Variants in SNX33 observed in about 807,000 individuals in gnomAD.
SNX33 encodes sorting nexin 33, also known as sorting nexin-33.
A neutral mutation model predicts 38.8 loss-of-function variants in SNX33; 19 were observed. The observed-to-expected ratio is 0.49, with a 90% CI of 0.34 to 0.72. The LOEUF is 0.72. Among genes scored for constraint, SNX33 ranks in the 30% least tolerant of loss-of-function variants. The pLI is 0.01. For synonymous variants in SNX33, 246 were observed against 289.7 expected, an observed-to-expected ratio of 0.85 and a Z score of 1.53; for missense variants, 641 against 776.4, an observed-to-expected ratio of 0.83 and a Z score of 2.07.
In SNX33 at chr15:75,648,068, G is replaced by A. The variant is rs1312263050; in HGVS notation, c.-1035G>A. ...AGACGGCTGGCCGCGCCATCTGCTCGCCGGAGCTCACTCTCCAAACTCCAA... is the reference window on the plus strand; with the variant it reads ...AGACGGCTGGCCGCGCCATCTGCTCACCGGAGCTCACTCTCCAAACTCCAA... On this transcript the variant is annotated 5_prime_UTR_variant, in exon 1 of 2. Coordinates refer to ENST00000308527, the MANE Select transcript of SNX33 (RefSeq NM_153271.2). This position sits in a 1 kb window ranked among gnomAD's most constrained non-coding sequence, Gnocchi z 4.4. 8 of 985,342 alleles carry A rather than the reference G, an allele frequency of 8.1e-6. No homozygotes were observed. In the African/African-American group the frequency reaches 1.2e-4, roughly 15 times the overall value. 61.0% of individuals were successfully genotyped at this position (985,342 alleles called of 1,614,324 possible). A position where few individuals can be genotyped will look rare whatever the true frequency, so the allele number is the denominator to read the frequency against.
chr15:75,656,819 C>A, intron 1 of SNX33, 143 bp from the exon 2 acceptor site: 1 of 1,301,218 alleles, frequency 7.7e-7, no homozygotes, highest in Non-Finnish European at 1.0e-6. Context: ...CTGGCAGAGA[C>A]ACCCAGGTGG....
At chr15:75,654,492 T>C (rs1334981010) in intron 1 of SNX33, among the ~76,000 whole-genome samples, 1 of 152,178 alleles carries the variant, frequency 6.6e-6, no homozygotes, top group Non-Finnish European at 1.5e-5. Flanking sequence ...TGGATTGAGG[T>C]GGGAGCTTAG....
Position 75,657,332 on chromosome 15 carries a change from G to A in SNX33, c.*117G>A, listed in dbSNP as rs1210103368. The A allele has an allele frequency of 2.6e-6, 4 of 1,521,412 alleles. No homozygotes were observed. Among genetic ancestry groups the A allele is most frequent in the African/African-American group, 2.7e-5 (2 of 73,294 alleles). The allele number at this position is 1,521,412 out of a possible 1,614,324, so 94.2% of individuals were successfully genotyped here. ...GAGGGGTCAGCGGTGGGGGAGATAA[G>A]CGGCCTGTCCTGCCTCCTGGGAGAA... On this transcript the variant is annotated 3_prime_UTR_variant, in exon 2 of 2. Coordinates refer to ENST00000308527, the MANE Select transcript of SNX33 (RefSeq NM_153271.2). The surrounding 1 kb of genome is among the most constrained non-coding windows in gnomAD (Gnocchi z 5.5).
In SNX33 at chr15:75,650,610, C is replaced by T; in HGVS notation, c.1471+37C>T. ...TGCAGGCAGGAAACTCGTCCTGAGTCTGGCTCTCTGCTGGGCCCTGGGGAG... is the reference window on the plus strand; with the variant it reads ...TGCAGGCAGGAAACTCGTCCTGAGTTTGGCTCTCTGCTGGGCCCTGGGGAG... On this transcript the variant is annotated intron_variant, in intron 1 of 1. Coordinates refer to ENST00000308527, the MANE Select transcript of SNX33 (RefSeq NM_153271.2). The surrounding 1 kb of genome is among the most constrained non-coding windows in gnomAD (Gnocchi z 6.1). 1 of 1,548,408 alleles carries T rather than the reference C, an allele frequency of 6.5e-7. No individual in the cohort carries two copies. The highest frequency in any genetic ancestry group is 8.7e-7 in the Non-Finnish European group (1 of 1,146,840).
rs1311443713 is a variant in SNX33, at chr15:75,662,208, C to G, written c.*4993C>G. On this transcript the variant is annotated 3_prime_UTR_variant, in exon 2 of 2. Transcript: ENST00000308527. ...AGGCTGAATCCCACACTCTATCATACATATTAATATTTACCTGCATTCCAC... is the reference window on the plus strand; with the variant it reads ...AGGCTGAATCCCACACTCTATCATAGATATTAATATTTACCTGCATTCCAC... 6.6e-6 allele frequency: 1 copy of G among 152,156 alleles called. No homozygotes were observed. Among genetic ancestry groups the G allele is most frequent in the Non-Finnish European group, 1.5e-5 (1 of 68,042 alleles). The allele number at this position is 152,156 out of a possible 1,614,324, so 9.4% of individuals were successfully genotyped here.
rs1893572791 is a variant in SNX33, at chr15:75,650,985, G to C, written c.1471+412G>C. ...CCCGGTCTCTGTCCTCATGGAGCTT[G>C]ATATTTACCTTCTTGTCAGTTCATT... On this transcript the variant is annotated intron_variant, in intron 1 of 1. Transcript: ENST00000308527. The surrounding 1 kb of genome is among the most constrained non-coding windows in gnomAD (Gnocchi z 6.1). Among the ~76,000 whole-genome samples, 1 of 152,240 alleles carries C rather than the reference G, an allele frequency of 6.6e-6. No individual in the cohort carries two copies. The highest frequency in any genetic ancestry group is 1.5e-5 in the Non-Finnish European group (1 of 68,046).
rs372590049 is a variant in SNX33 at position 75,650,859 on chromosome 15, AAAACAAACAAAC to A, written c.1471+306_1471+317del. On this transcript the variant is annotated intron_variant, in intron 1 of 1. Transcript: ENST00000308527. The surrounding 1 kb of genome is among the most constrained non-coding windows in gnomAD (Gnocchi z 6.1). ...GGTGACAGAGTGAGACCCTGTCTCT[AAAACAAACAAAC>A]AAACAAACAAACAAACAAATGTGTT... 3.3e-5 allele frequency among the ~76,000 whole-genome samples: 5 copies of A among 152,052 alleles called. No homozygotes were observed. The highest frequency in any genetic ancestry group is 1.9e-4 in the East Asian group (1 of 5,194).
Position 75,650,494 on chromosome 15 carries a change from C to T in SNX33, c.1392C>T (p.Asp464=), listed in dbSNP as rs540188755. 2 of 1,614,052 alleles carry T rather than the reference C, an allele frequency of 1.2e-6. No individual in the cohort carries two copies. Among genetic ancestry groups the T allele is most frequent in the Admixed American group, 1.7e-5 (1 of 60,006 alleles). The change falls in exon 1 of 2, where the codon GAC becomes GAT. Residue 464 remains aspartate, a synonymous_variant. Coordinates refer to ENST00000308527, the MANE Select transcript of SNX33 (RefSeq NM_153271.2). The surrounding 1 kb of genome is among the most constrained non-coding windows in gnomAD (Gnocchi z 6.1). Reference sequence around the variant, plus strand: ...TGTTTGCTGAGCAGCCCAAGAATGACCTCTTCCAGATGCTGGACACACTGT... The same window carrying T: ...TGTTTGCTGAGCAGCCCAAGAATGATCTCTTCCAGATGCTGGACACACTGT... ...GEMFAEQPKN[D]LFQMLDTLSL...
chr15:75,650,396 C>G lies in SNX33; in HGVS notation c.1294C>G (p.Pro432Ala). 1 of 1,613,494 alleles carries G rather than the reference C, an allele frequency of 6.2e-7. No individual in the cohort carries two copies. Among genetic ancestry groups the G allele is most frequent in the African/African-American group, 1.3e-5 (1 of 74,986 alleles). Reference protein sequence around the residue: ...QAISHSFQMDPPFCSEALNSA... With the variant: ...QAISHSFQMDAPFCSEALNSA... ...CATCAGTCATTCCTTCCAGATGGAC[C>G]CCCCCTTTTGCTCTGAGGCCCTCAA... is the stretch of plus-strand genomic sequence containing the variant. Residue 432 changes from proline to alanine, a missense_variant, in exon 1 of 2, where the codon CCC becomes GCC. Physicochemically the swap from Pro to Ala is conservative, Grantham distance 27. Around this residue, in one of 2 missense-constraint regions of SNX33, gnomAD observed 398 missense variants for 542.5 expected, o/e 0.73. Coordinates refer to ENST00000308527, the MANE Select transcript of SNX33 (RefSeq NM_153271.2). This position sits in a 1 kb window ranked among gnomAD's most constrained non-coding sequence, Gnocchi z 6.1.
chr15:75,649,639 G>A lies in SNX33; in HGVS notation c.537G>A (p.Val179=), dbSNP rs1356588458. 5 of 1,609,982 alleles carry A rather than the reference G, an allele frequency of 3.1e-6. No homozygotes were observed. The highest frequency in any genetic ancestry group is 4.2e-6 in the Non-Finnish European group (5 of 1,177,742). The change falls in exon 1 of 2, where the codon GTG becomes GTA. Residue 179 remains valine (V), a synonymous_variant. Coordinates refer to ENST00000308527, the MANE Select transcript of SNX33 (RefSeq NM_153271.2). The surrounding 1 kb of genome is among the most constrained non-coding windows in gnomAD (Gnocchi z 6.6). ...CATCTGCCAAGCGAGGCAGTGTGGT[G>A]GGCCGTAACCTCAACCGTTTCTCAT... ...SLASAKRGSV[V]GRNLNRFSCF... is the part of the protein sequence containing the mutation.
Position 75,649,267 on chromosome 15 carries a change from T to C in SNX33, c.165T>C (p.Tyr55=), listed in dbSNP as rs774816688. The C allele has an allele frequency of 1.2e-6, 2 of 1,613,854 alleles. No homozygotes were observed. Among genetic ancestry groups the C allele is most frequent in the Non-Finnish European group, 1.7e-6 (2 of 1,179,888 alleles). ...AGACAGGGCTCTTTCCTGCCTCTTA[T>C]GTGGAGATCGTCCGTTCTGGCATCA... is the stretch of plus-strand genomic sequence containing the variant. The part of the protein sequence containing the change: ...RGETGLFPAS[Y]VEIVRSGIST... The change falls in exon 1 of 2, where the codon TAT becomes TAC. Residue 55 remains tyrosine (Y), a synonymous_variant. Transcript: ENST00000308527. This position sits in a 1 kb window ranked among gnomAD's most constrained non-coding sequence, Gnocchi z 6.6.
chr15:75,653,467 C>T (rs965093893), intron 1 of SNX33, among the ~76,000 whole-genome samples: 3 of 152,172 alleles, frequency 2.0e-5, no homozygotes, highest in Non-Finnish European at 2.9e-5. Flanking sequence ...GTCAGGAGGG[C>T]GATGTGGTCA....
intron 1 of SNX33, among the ~76,000 whole-genome samples, chr15:75,652,974 T>C (rs979160724): frequency 8.6e-5 from 13 of 151,756 alleles, no homozygotes; most frequent in African/African-American, 3.2e-4. Flanking sequence ...GAATGGGTGG[T>C]GAGTGTGTGG....
intron 1 of SNX33, among the ~76,000 whole-genome samples, chr15:75,653,612 G>A (rs1893612211): frequency 6.6e-6 from 1 of 152,236 alleles, no homozygotes; most frequent in Non-Finnish European, 1.5e-5. Flanking sequence ...CCCAGGGATG[G>A]AGAGCTGAGC....
chr15:75,654,352 G>GA (rs1030386347), intron 1 of SNX33, among the ~76,000 whole-genome samples: 2 of 152,204 alleles, frequency 1.3e-5, no homozygotes, highest in Non-Finnish European at 2.9e-5. Context: ...GCAGTGGGGA[G>GA]ACCTGGAGCC....
Position 75,649,343 on chromosome 15 carries a change from C to G in SNX33, c.241C>G (p.Gln81Glu), listed in dbSNP as rs541973865. ...CAGCCCTGCAGGCTCTCCCGGAGCCCAGGTGAGCTTGTACAACAGCCCCAG... is the reference window on the plus strand; with the variant it reads ...CAGCCCTGCAGGCTCTCCCGGAGCCGAGGTGAGCTTGTACAACAGCCCCAG... Reference protein sequence around the residue: ...SSSPAGSPGAQVSLYNSPSVA... With the variant: ...SSSPAGSPGAEVSLYNSPSVA... Residue 81 changes from glutamine (Q) to glutamate (E), a missense_variant, in exon 1 of 2, where the codon CAG becomes GAG. Gln to Glu is a conservative substitution (Grantham distance 29). Around this residue, in one of 2 missense-constraint regions of SNX33, gnomAD observed 243 missense variants for 233.9 expected, o/e 1.04. Coordinates refer to ENST00000308527, the MANE Select transcript of SNX33 (RefSeq NM_153271.2). The surrounding 1 kb of genome is among the most constrained non-coding windows in gnomAD (Gnocchi z 6.6). 6.3e-7 allele frequency: 1 copy of G among 1,575,968 alleles called. No homozygotes were observed. The highest frequency in any genetic ancestry group is 1.3e-5 in the African/African-American group (1 of 74,200).
chr15:75,649,715 A>G lies in SNX33; in HGVS notation c.613A>G (p.Met205Val). 1 of 1,545,630 alleles carries G rather than the reference A, an allele frequency of 6.5e-7. No individual in the cohort carries two copies. The highest frequency in any genetic ancestry group is 8.8e-7 in the Non-Finnish European group (1 of 1,142,726). ...CTTCATCCTGGGTGATGTGCCCATG[A>G]TGGCCAAGATCGCTGAGACATACTC... ...EAFILGDVPMMAKIAETYSIE... is the reference protein window; with the variant it reads ...EAFILGDVPMVAKIAETYSIE... The change falls in exon 1 of 2, where the codon ATG becomes GTG. Residue 205 changes from methionine to valine, a missense_variant. Transcript: ENST00000308527. This position sits in a 1 kb window ranked among gnomAD's most constrained non-coding sequence, Gnocchi z 6.6.
chr15:75,648,816 A>G lies in SNX33; in HGVS notation c.-287A>G, dbSNP rs761795604. 6.3e-6 allele frequency: 2 copies of G among 319,880 alleles called. No individual in the cohort carries two copies. Among genetic ancestry groups the G allele is most frequent in the Admixed American group, 5.0e-5 (1 of 20,040 alleles). 19.8% of individuals were successfully genotyped at this position (319,880 alleles called of 1,614,324 possible). A position where few individuals can be genotyped will look rare whatever the true frequency, so the allele number is the denominator to read the frequency against. ...AGGAGTTAGGAGAGATTCCCCTCTA[A>G]CCCCCCAGAGGCTGCTAAGGGAGGA... is the stretch of plus-strand genomic sequence containing the variant. On this transcript the variant is annotated 5_prime_UTR_variant, in exon 1 of 2. Transcript: ENST00000308527. This position sits in a 1 kb window ranked among gnomAD's most constrained non-coding sequence, Gnocchi z 4.4.
rs1349324362 is a variant in SNX33 at position 75,649,413 on chromosome 15, C to T, written c.311C>T (p.Ser104Leu). The T allele has an allele frequency of 6.5e-7, 1 of 1,540,392 alleles. No homozygotes were observed. Among genetic ancestry groups the T allele is most frequent in the Non-Finnish European group, 8.8e-7 (1 of 1,141,174 alleles). ...ARSGGGSGFL[S>L]NQGSFEEDDD... ...AGTGGTGGGGGCAGTGGCTTCCTCT[C>T]AAACCAGGGTAGCTTTGAGGAGGAT... Residue 104 changes from serine to leucine, a missense_variant, in exon 1 of 2, where the codon TCA becomes TTA. By Grantham distance (145) the Ser-to-Leu change is moderately radical (BLOSUM62 -2). This residue lies in a region of SNX33 where 243 missense variants were observed against 233.9 expected (regional missense o/e 1.04). Coordinates refer to ENST00000308527, the MANE Select transcript of SNX33 (RefSeq NM_153271.2). The surrounding 1 kb of genome is among the most constrained non-coding windows in gnomAD (Gnocchi z 6.6).
Sources: gnomAD v4.1 joint callset for allele counts (sites outside exome capture counted in the v4.1 genomes callset) on GRCh38, gnomAD v4.1.1 for gene constraint, gnomAD v4.1.1 regional missense constraint, Gnocchi (gnomAD v3.1) non-coding constraint, MANE v1.5 for transcripts, NCBI Gene and HGNC (gene_info 2026-07-23, HGNC 2026-07-21) for gene names.